Variants in GRIK2 observed in about 807,000 individuals in gnomAD.
GRIK2 encodes the protein glutamate receptor ionotropic, kainate 2.
In GRIK2, 32 loss-of-function variants were observed where a neutral mutation model predicts 100.3. The ratio of observed to expected loss-of-function variants is 0.32; its 90% CI spans 0.24 to 0.43. The LOEUF (loss-of-function observed/expected upper bound fraction) is 0.43, where lower values mean the gene tolerates loss of function less well. GRIK2 is among the 20% of genes least tolerant of loss of function. The probability of loss-of-function intolerance (pLI) is 1.00; values close to 1 mark genes in which losing one functional copy is unlikely to be tolerated. For synonymous variants in GRIK2, 417 were observed against 389.4 expected (o/e 1.07, Z -0.83); for missense variants, 843 against 1,114.9 (o/e 0.76, Z 3.47).
At chr6:101,765,518 A>C (rs1033349404) in intron 7 of GRIK2, among the ~76,000 whole-genome samples, 1 of 152,058 alleles carries the variant, frequency 6.6e-6, no homozygotes, top group African/African-American at 2.4e-5. Context: ...GGAATGATTC[A>C]ATTATTTCAG....
At chr6:101,890,489 G>A (rs1158461345) in intron 12 of GRIK2, 1 of 152,152 alleles carries the variant, frequency 6.6e-6, no homozygotes, top group Non-Finnish European at 1.5e-5. Flanking sequence ...AAACACTTTG[G>A]GAGCCCAAGA....
intron 16 of GRIK2, chr6:102,065,676 A>T (rs920197242): frequency 7.2e-6 from 4 of 554,612 alleles, no homozygotes; most frequent in Non-Finnish European, 1.2e-5. Flanking sequence ...TTGGTTTTAA[A>T]TGAAGGTTTA....
intron 7 of GRIK2, among the ~76,000 whole-genome samples, chr6:101,700,146 T>A (rs765649918): frequency 6.7e-6 from 1 of 148,486 alleles, no homozygotes; most frequent in Non-Finnish European, 1.5e-5. Flanking sequence ...AGAGACTCTG[T>A]CTCACAAAAC....
intron 2 of GRIK2, among the ~76,000 whole-genome samples, chr6:101,407,993 C>T (rs146607193): frequency 2.6e-5 from 4 of 152,144 alleles, no homozygotes; most frequent in Admixed American, 6.6e-5. Flanking sequence ...GGAATTTAGG[C>T]ATAAATTAAG....
intron 10 of GRIK2, among the ~76,000 whole-genome samples, chr6:101,843,397 A>G (rs1446769781): frequency 6.6e-6 from 1 of 152,160 alleles, no homozygotes; most frequent in Non-Finnish European, 1.5e-5. Flanking sequence ...TATACTTTCC[A>G]TCATCCACAT....
chr6:101,977,174 C>T (rs544713999), intron 14 of GRIK2, among the ~76,000 whole-genome samples: 3 of 150,434 alleles, frequency 2.0e-5, no homozygotes, highest in African/African-American at 7.3e-5. Context: ...TTTTTTTTTA[C>T]AAGAGAGGCT....
chr6:101,656,483 C>T (rs899986378), intron 4 of GRIK2, among the ~76,000 whole-genome samples: 2 of 151,960 alleles, frequency 1.3e-5, no homozygotes, highest in Non-Finnish European at 2.9e-5. Flanking sequence ...TTCATTTCAG[C>T]AAATAGGATA....
intron 16 of GRIK2, among the ~76,000 whole-genome samples, chr6:102,060,307 G>A (rs1418010864): frequency 6.6e-6 from 1 of 150,596 alleles, no homozygotes; most frequent in Non-Finnish European, 1.5e-5. Context: ...TAACCAATTT[G>A]GAATACAGCT....
chr6:101,671,800 G>A (rs1398121724), intron 4 of GRIK2, among the ~76,000 whole-genome samples: 1 of 152,134 alleles, frequency 6.6e-6, no homozygotes, highest in Non-Finnish European at 1.5e-5. Flanking sequence ...GGAGGCGGAG[G>A]TTGTAGTGAG....
At chr6:101,539,709 A>T (rs1018130192) in intron 2 of GRIK2, among the ~76,000 whole-genome samples, 1 of 151,756 alleles carries the variant, frequency 6.6e-6, no homozygotes, top group African/African-American at 2.4e-5. Flanking sequence ...TGGATTCTAC[A>T]TGGCTGAGTC....
intron 7 of GRIK2, among the ~76,000 whole-genome samples, chr6:101,725,686 A>G (rs1774810949): frequency 6.6e-6 from 1 of 152,018 alleles, no homozygotes; most frequent in Non-Finnish European, 1.5e-5. Context: ...TACCTTAGCT[A>G]TGCTAAGATT....
rs538177481 is a variant in GRIK2 at position 101,586,108 on chromosome 6, C to T, written c.116-35841C>T. 6.6e-5 allele frequency among the ~76,000 whole-genome samples: 10 copies of T among 151,920 alleles called. 1 individual carries two copies. Among genetic ancestry groups the T allele is most frequent in the Non-Finnish European group, 1.3e-4 (9 of 67,980 alleles). ...GTTTAGTCCTGAAGCTGGGCGCCTA[C>T]ACCTAGCCATGTGTGCTTCTATTCT... On this transcript the variant is annotated intron_variant, in intron 2 of 16. Transcript: ENST00000369134.
At chr6:101,569,304 C>T (rs9498625) in intron 2 of GRIK2, among the ~76,000 whole-genome samples, 13,668 of 151,684 alleles carry the variant, frequency 0.09, 1,583 homozygotes, top group African/African-American at 0.27. Context: ...AGCAAAAATG[C>T]TAACAGTCTC....
chr6:101,875,132 G>C (rs1188856729), intron 11 of GRIK2, among the ~76,000 whole-genome samples: 1 of 152,060 alleles, frequency 6.6e-6, no homozygotes, highest in East Asian at 1.9e-4. Context: ...CCAACACTAT[G>C]TTGAATAGGA....
chr6:101,707,592 G>GTATATATATATATATATATATATA (rs1451926404), intron 7 of GRIK2, among the ~76,000 whole-genome samples: 1 of 128,216 alleles, frequency 7.8e-6, no homozygotes, highest in Admixed American at 8.1e-5. Flanking sequence ...GTGTGTGTGT[G>GTATATATATATATATATATATATA]TGTATATATG....
intron 14 of GRIK2, among the ~76,000 whole-genome samples, chr6:102,021,058 AAAGATGGT>A (rs1196224990): frequency 6.6e-6 from 1 of 151,884 alleles, no homozygotes; most frequent in Non-Finnish European, 1.5e-5. Flanking sequence ...TATGGGAAGT[AAAGATGGT>A]AAGAAACATT....
At chr6:101,930,103 A>G (rs1790163055) in intron 14 of GRIK2, among the ~76,000 whole-genome samples, 1 of 152,088 alleles carries the variant, frequency 6.6e-6, no homozygotes, top group Non-Finnish European at 1.5e-5. Context: ...GCACTCTGGG[A>G]GGCCAAGGTG....
At position 101,432,841 on chromosome 6, in the gene GRIK2, C is replaced by T. The variant is rs1769486189; in HGVS notation, c.115+33449C>T. Among the ~76,000 whole-genome samples, 3 of 152,036 alleles carry T rather than the reference C, an allele frequency of 2.0e-5. No homozygotes were observed. In the South Asian group the frequency reaches 6.3e-4, roughly 32 times the overall value. ...TATTTTTTTCTTCTTCTTTGGCAAA[C>T]CAACAAAGAACAAATAAGTGTGGAA... On this transcript the variant is annotated intron_variant, in intron 2 of 16. Transcript: ENST00000369134.
At chr6:101,718,472 T>G (rs1774222220) in intron 7 of GRIK2, among the ~76,000 whole-genome samples, 1 of 151,908 alleles carries the variant, frequency 6.6e-6, no homozygotes, top group South Asian at 2.1e-4. Flanking sequence ...AATACTGATA[T>G]CCCAAGAGTA....
Sources: allele counts gnomAD v4.1 joint callset (sites outside exome capture counted in the v4.1 genomes callset), GRCh38; gene constraint gnomAD v4.1.1; transcripts MANE v1.5; gene names NCBI Gene and HGNC (gene_info 2026-07-23, HGNC 2026-07-21).